LEF1: variants seen among roughly 807,000 people sequenced by gnomAD.
LEF1 encodes the protein lymphoid enhancer-binding factor 1.
Under a neutral mutation model 51.2 loss-of-function variants are expected in LEF1, and 14 were observed. That is an observed-to-expected ratio of 0.27 (90% CI 0.18 to 0.43). The LOEUF (loss-of-function observed/expected upper bound fraction) is 0.43. LEF1 is among the 20% of genes least tolerant of loss of function. The probability of loss-of-function intolerance (pLI) is 1.00; values close to 1 mark genes in which losing one functional copy is unlikely to be tolerated. For synonymous variants in LEF1, 185 were observed against 183.2 expected, an observed-to-expected ratio of 1.01 and a Z score of -0.08; for missense variants, 386 against 512.0, an observed-to-expected ratio of 0.75 and a Z score of 2.37.
At chr4:108,166,803 G>C in intron 1 of LEF1, 5 of 985,982 alleles carry the variant, frequency 5.1e-6, no homozygotes, top group Non-Finnish European at 6.0e-6. Context: ...TAAAAGTTGT[G>C]GGTTTGTTTC....
chr4:108,056,971 T>C (rs1405545726), intron 11 of LEF1, among the ~76,000 whole-genome samples: 1 of 151,488 alleles, frequency 6.6e-6, no homozygotes, highest in Admixed American at 6.6e-5. Context: ...GTGCAGAAGT[T>C]TTCCCAGGAG....
intron 1 of LEF1, chr4:108,166,239 G>T (rs1471405666): frequency 2.6e-6 from 4 of 1,533,436 alleles, no homozygotes; most frequent in Non-Finnish European, 2.6e-6. Context: ...TTCTCTGAAC[G>T]CAGGCCCCCA....
At chr4:108,051,054 T>C (rs1276070296) in intron 11 of LEF1, among the ~76,000 whole-genome samples, 1 of 152,206 alleles carries the variant, frequency 6.6e-6, no homozygotes, top group Admixed American at 6.5e-5. Context: ...GAGATAGCCA[T>C]TTACCTAAAG....
intron 9 of LEF1, among the ~76,000 whole-genome samples, chr4:108,070,276 C>T (rs1738378493): frequency 6.6e-6 from 1 of 151,554 alleles, no homozygotes; most frequent in Non-Finnish European, 1.5e-5. Flanking sequence ...TATATATACA[C>T]CCACGCACAC....
chr4:108,119,086 A>T (rs545296632), intron 3 of LEF1, among the ~76,000 whole-genome samples: 15 of 150,064 alleles, frequency 1.0e-4, no homozygotes, highest in Admixed American at 3.4e-4. Flanking sequence ...TTTAAAAAAC[A>T]TTTTTTTTCA....
intron 3 of LEF1, among the ~76,000 whole-genome samples, chr4:108,093,205 T>C (rs930074628): frequency 6.6e-6 from 1 of 152,110 alleles, no homozygotes; most frequent in Admixed American, 6.6e-5. Flanking sequence ...ACTACACAAC[T>C]CCAGTAACGC....
chr4:108,117,209 C>T (rs1741894138), intron 3 of LEF1, among the ~76,000 whole-genome samples: 1 of 152,006 alleles, frequency 6.6e-6, no homozygotes, highest in Non-Finnish European at 1.5e-5. Context: ...TAAATTTCTT[C>T]CTAATTTTTC....
At chr4:108,114,671 A>G (rs1281069129) in intron 3 of LEF1, among the ~76,000 whole-genome samples, 2 of 152,226 alleles carry the variant, frequency 1.3e-5, no homozygotes, top group Non-Finnish European at 2.9e-5. Context: ...AGGAGATAAC[A>G]CGAAAATACT....
At chr4:108,104,620 G>A (rs753952540) in intron 3 of LEF1, 24 of 907,680 alleles carry the variant, frequency 2.6e-5, no homozygotes, top group East Asian at 1.2e-4. Context: ...AGCAAAGTAC[G>A]ACATATTGTA....
At chr4:108,093,830 T>G (rs1740205988) in intron 3 of LEF1, among the ~76,000 whole-genome samples, 1 of 152,098 alleles carries the variant, frequency 6.6e-6, no homozygotes, top group African/African-American at 2.4e-5. Flanking sequence ...TTGAAACCCT[T>G]TCTTAAATTT....
At chr4:108,127,770 G>A (rs945853984) in intron 3 of LEF1, among the ~76,000 whole-genome samples, 30 of 152,180 alleles carry the variant, frequency 2.0e-4, no homozygotes, top group Admixed American at 1.6e-3. Flanking sequence ...CAACAGGGGG[G>A]TATGTAGCTT....
At chr4:108,117,702 G>A (rs1741924083) in intron 3 of LEF1, among the ~76,000 whole-genome samples, 2 of 152,168 alleles carry the variant, frequency 1.3e-5, no homozygotes, top group African/African-American at 4.8e-5. Context: ...TGGCCAGAGA[G>A]AAGCTTTGCG....
intron 3 of LEF1, among the ~76,000 whole-genome samples, chr4:108,123,496 C>T (rs1245628307): frequency 4.0e-5 from 5 of 125,774 alleles, no homozygotes; most frequent in South Asian, 2.8e-4. Context: ...GCGTACCCTA[C>T]AAGATAGAAT....
chr4:108,050,053 A>G (rs1736878983), intron 11 of LEF1, among the ~76,000 whole-genome samples: 1 of 152,226 alleles, frequency 6.6e-6, no homozygotes, highest in Non-Finnish European at 1.5e-5. Flanking sequence ...CCTAAAGATG[A>G]TCAGAACTGC....
At chr4:108,166,693 T>A in intron 1 of LEF1, 1 of 995,770 alleles carries the variant, frequency 1.0e-6, no homozygotes, top group Non-Finnish European at 1.2e-6. Context: ...GAAGACCCGA[T>A]AAAGCGCCTT....
At chr4:108,064,215 C>CAGAGTTAA in intron 10 of LEF1, 121 bp downstream of exon 10, 1 of 594,136 alleles carries the variant, frequency 1.7e-6, no homozygotes, top group Non-Finnish European at 3.0e-6. Flanking sequence ...GAAGAAAAAG[C>CAGAGTTAA]AGAGTTAAAG....
chr4:108,105,388 C>T (rs1388570825), intron 3 of LEF1, among the ~76,000 whole-genome samples: 1 of 152,004 alleles, frequency 6.6e-6, no homozygotes, highest in Non-Finnish European at 1.5e-5. Context: ...ACTATGTTGG[C>T]CAGGCTGGTC....
intron 3 of LEF1, among the ~76,000 whole-genome samples, chr4:108,155,638 C>T (rs187850978): frequency 2.2e-4 from 34 of 152,334 alleles, no homozygotes; most frequent in African/African-American, 7.2e-4. Context: ...TCCTGCTCTG[C>T]GGCCACAGCT....
At chr4:108,128,752 A>T (rs1742695467) in intron 3 of LEF1, among the ~76,000 whole-genome samples, 1 of 152,218 alleles carries the variant, frequency 6.6e-6, no homozygotes, top group South Asian at 2.1e-4. Context: ...AAAAATGTAC[A>T]CAATACCTAT....
Sources: gnomAD v4.1 joint callset for allele counts (sites outside exome capture counted in the v4.1 genomes callset) on GRCh38, gnomAD v4.1.1 for gene constraint, MANE v1.5 for transcripts, NCBI Gene and HGNC (gene_info 2026-07-23, HGNC 2026-07-21) for gene names.